PLCG2: variants seen among roughly 807,000 people sequenced by gnomAD.
The protein encoded by PLCG2 is 1-phosphatidylinositol 4,5-bisphosphate phosphodiesterase gamma-2.
Under a neutral mutation model 175.6 loss-of-function variants are expected in PLCG2, and 69 were observed. The observed-to-expected ratio is 0.39, with a 90% CI of 0.32 to 0.48. The LOEUF is 0.48. Among genes scored for constraint, PLCG2 ranks in the 20% least tolerant of loss-of-function variants. The pLI is 0.91. For synonymous variants in PLCG2, 827 were observed against 624.0 expected (o/e 1.33, Z -4.85); for missense variants, 1,798 against 1,650.9 (o/e 1.09, Z -1.54).
intron 7 of PLCG2, among the ~76,000 whole-genome samples, chr16:81,872,847 A>G (rs989763423): frequency 6.6e-6 from 1 of 152,190 alleles, no homozygotes; most frequent in Admixed American, 6.5e-5. Context: ...GAAGACAGGC[A>G]TTTTTAAGTG....
intron 6 of PLCG2, among the ~76,000 whole-genome samples, chr16:81,869,516 G>T (rs1397897834): frequency 1.3e-5 from 2 of 152,176 alleles, no homozygotes; most frequent in East Asian, 1.9e-4. Context: ...CATGTTTACT[G>T]AGCTCTTGGA....
At position 81,958,515 on chromosome 16, in the gene PLCG2, A is replaced by G. The variant is rs141336756; in HGVS notation, c.*517A>G. 3.9e-5 allele frequency: 9 copies of G among 232,588 alleles called. No homozygotes were observed. In the East Asian group the frequency reaches 4.9e-4, roughly 13 times the overall value. The allele number at this position is 232,588 out of a possible 1,614,324, so 14.4% of individuals were successfully genotyped here. A position where few individuals can be genotyped will look rare whatever the true frequency, so the allele number is the denominator to read the frequency against. On this transcript the variant is annotated 3_prime_UTR_variant, in exon 33 of 33. Transcript: ENST00000564138. ...TACCCACAGGCAGCCTGCTCAGTTCAATGTACTTTAACTACCACCGGCTGC... is the reference window on the plus strand; with the variant it reads ...TACCCACAGGCAGCCTGCTCAGTTCGATGTACTTTAACTACCACCGGCTGC...
chr16:81,917,140 G>A (rs1453296143), intron 19 of PLCG2, among the ~76,000 whole-genome samples: 3 of 151,696 alleles, frequency 2.0e-5, no homozygotes, highest in Admixed American at 6.6e-5. Flanking sequence ...ATGAGATCCT[G>A]TGGTATTTGT....
At chr16:81,884,596 T>C (rs1210425645) in intron 9 of PLCG2, among the ~76,000 whole-genome samples, 1 of 106,038 alleles carries the variant, frequency 9.4e-6, no homozygotes, top group Admixed American at 1.1e-4. Flanking sequence ...GTCAATTGTA[T>C]GGATCTGTGT....
chr16:81,799,183 C>T (rs751084657), intron 2 of PLCG2, among the ~76,000 whole-genome samples: 1 of 152,218 alleles, frequency 6.6e-6, no homozygotes, highest in Non-Finnish European at 1.5e-5. Flanking sequence ...CATTGGTAGA[C>T]ACATTTTAAC....
At chr16:81,951,656 A>G (rs1228699850) in intron 31 of PLCG2, among the ~76,000 whole-genome samples, 2 of 152,226 alleles carry the variant, frequency 1.3e-5, no homozygotes, top group Non-Finnish European at 2.9e-5. Flanking sequence ...GACCAATGTC[A>G]TGTGTGAATA....
chr16:81,888,642 C>G (rs1009615259), intron 9 of PLCG2, among the ~76,000 whole-genome samples: 1 of 152,152 alleles, frequency 6.6e-6, no homozygotes, highest in Non-Finnish European at 1.5e-5. Context: ...GATGGGGAGG[C>G]ACAGAGACGG....
At chr16:81,819,661 T>A (rs1021353548) in intron 2 of PLCG2, among the ~76,000 whole-genome samples, 16 of 152,222 alleles carry the variant, frequency 1.1e-4, no homozygotes, top group African/African-American at 3.9e-4. Flanking sequence ...CTCGGCTCAC[T>A]GCAACCTCCG....
intron 2 of PLCG2, among the ~76,000 whole-genome samples, chr16:81,851,369 T>A (rs1906400120): frequency 6.6e-6 from 1 of 152,190 alleles, no homozygotes. Context: ...TTACATACAC[T>A]CCGTTTTCTT....
chr16:81,879,572 C>G (rs528235532), intron 7 of PLCG2, among the ~76,000 whole-genome samples: 67 of 152,278 alleles, frequency 4.4e-4, no homozygotes, highest in African/African-American at 1.6e-3. Context: ...CCCATGACGT[C>G]CTGGGCTGCA....
chr16:81,811,030 C>G (rs958483505), intron 2 of PLCG2, among the ~76,000 whole-genome samples: 26 of 152,302 alleles, frequency 1.7e-4, no homozygotes, highest in Admixed American at 4.6e-4. Flanking sequence ...GCTTTGTGGT[C>G]TAAGGCCACA....
chr16:81,908,946 GCT>G (rs1567527760), intron 17 of PLCG2, among the ~76,000 whole-genome samples: 1 of 152,278 alleles, frequency 6.6e-6, no homozygotes, highest in East Asian at 1.9e-4. Context: ...GGGTCATGTG[GCT>G]CTGGATGATT....
At chr16:81,928,827 GT>G in intron 24 of PLCG2, 2 of 494,474 alleles carry the variant, frequency 4.0e-6, no homozygotes, top group South Asian at 8.3e-5. Flanking sequence ...AAAACTGTAA[GT>G]GCTAAAACAA....
intron 2 of PLCG2, chr16:81,851,999 G>C (rs1285941207): frequency 3.0e-5 from 3 of 98,752 alleles, no homozygotes; most frequent in Non-Finnish European, 4.6e-5. Context: ...ATGACTCTAA[G>C]ATGCCTTTGC....
At chr16:81,881,994 T>G (rs575875111) in intron 8 of PLCG2, among the ~76,000 whole-genome samples, 5 of 152,304 alleles carry the variant, frequency 3.3e-5, no homozygotes, top group South Asian at 2.1e-4. Context: ...AGTGTTAGAC[T>G]GTGAGGCTGG....
intron 3 of PLCG2, among the ~76,000 whole-genome samples, chr16:81,856,409 T>G (rs939242266): frequency 1.3e-5 from 2 of 152,174 alleles, no homozygotes; most frequent in Non-Finnish European, 2.9e-5. Context: ...ATCTTCCTTT[T>G]GCCAGATGCC....
At chr16:81,893,243 T>G (rs1908722546) in intron 11 of PLCG2, among the ~76,000 whole-genome samples, 1 of 152,196 alleles carries the variant, frequency 6.6e-6, no homozygotes, top group African/African-American at 2.4e-5. Flanking sequence ...GCAGTTTTGG[T>G]GGATATGGCT....
chr16:81,962,517 G>C lies in PLCG2; in HGVS notation c.*4519G>C. On this transcript the variant is annotated 3_prime_UTR_variant, in exon 33 of 33. Coordinates refer to ENST00000564138, the MANE Select transcript of PLCG2 (RefSeq NM_002661.5). The stretch of plus-strand genomic sequence containing the variant: ...CATTAGGCCTTAAGAAGCTGCATTT[G>C]TAAACTTGTGTTTCATTATTAAAGC... The C allele has an allele frequency of 4.6e-6, 1 of 215,336 alleles. No individual in the cohort carries two copies. Among genetic ancestry groups the C allele is most frequent in the Non-Finnish European group, 9.3e-6 (1 of 106,984 alleles). The allele number at this position is 215,336 out of a possible 1,614,324, so 13.3% of individuals were successfully genotyped here. A position where few individuals can be genotyped will look rare whatever the true frequency, so the allele number is the denominator to read the frequency against.
At chr16:81,940,457 TG>T (rs144704755) in intron 30 of PLCG2, among the ~76,000 whole-genome samples, 153 of 151,648 alleles carry the variant, frequency 1.0e-3, no homozygotes, top group Non-Finnish European at 1.5e-3. Flanking sequence ...TTTGGCATCT[TG>T]GGGGGGGAGT....
Sources: allele counts gnomAD v4.1 joint callset (sites outside exome capture counted in the v4.1 genomes callset), GRCh38; gene constraint gnomAD v4.1.1; transcripts MANE v1.5; gene names NCBI Gene and HGNC (gene_info 2026-07-23, HGNC 2026-07-21).